The following WDR64 variants were observed in gnomAD, a reference collection of about 807,000 sequenced individuals.
The protein encoded by WDR64 is WD repeat-containing protein 64.
In WDR64, 112 loss-of-function variants were observed where a neutral mutation model predicts 139.3. The ratio of observed to expected loss-of-function variants is 0.80; its 90% confidence interval spans 0.69 to 0.94. The LOEUF is 0.94. Among genes scored for constraint, WDR64 ranks in the 40% least tolerant of loss-of-function variants. WDR64 has a pLI of 0.00. For synonymous variants in WDR64, 444 were observed against 437.7 expected (o/e 1.01, Z -0.18); for missense variants, 1,206 against 1,293.1 (o/e 0.93, Z 1.03).
At chr1:241,741,220 A>T (rs977279015) in intron 11 of WDR64, among the ~76,000 whole-genome samples, 1 of 152,228 alleles carries the variant, frequency 6.6e-6, no homozygotes, top group African/African-American at 2.4e-5. Context: ...GGACTATGAA[A>T]TATAGGAAAA....
intron 8 of WDR64, among the ~76,000 whole-genome samples, chr1:241,710,702 TGA>T (rs1668126847): frequency 6.6e-6 from 1 of 151,960 alleles, no homozygotes. Context: ...GGGAGGCTGA[TGA>T]GAGAGTATAG....
Position 241,771,653 on chromosome 1 carries a change from T to C in WDR64, c.2254-8T>C, listed in dbSNP as rs1328160779. ...GGAAGTCTTTTCTCTTTTCCTCCCA[T>C]AATTCAGGGAAGCAAGCAAAGCATA... On this transcript the variant is annotated splice_polypyrimidine_tract_variant and splice_region_variant and intron_variant, in intron 18 of 27. Coordinates refer to ENST00000437684, the MANE Select transcript of WDR64 (RefSeq NM_001367482.1). The C allele has an allele frequency of 2.0e-6, 3 of 1,497,176 alleles. No individual in the cohort carries two copies. The highest frequency in any genetic ancestry group is 2.7e-6 in the Non-Finnish European group (3 of 1,120,080). The allele number at this position is 1,497,176 out of a possible 1,614,324, so 92.7% of individuals were successfully genotyped here. A position where few individuals can be genotyped will look rare whatever the true frequency, so the allele number is the denominator to read the frequency against.
intron 6 of WDR64, 117 bp from the exon 7 acceptor site, chr1:241,683,370 G>A: frequency 1.1e-6 from 1 of 884,228 alleles, no homozygotes; most frequent in Non-Finnish European, 1.7e-6. Flanking sequence ...TATCTTATAA[G>A]ATAGGTGTAT....
intron 1 of WDR64, among the ~76,000 whole-genome samples, chr1:241,659,557 C>A (rs1665743039): frequency 6.6e-6 from 1 of 152,186 alleles, no homozygotes; most frequent in African/African-American, 2.4e-5. Flanking sequence ...TTCTCCCCAA[C>A]CTCGCCAGCA....
intron 9 of WDR64, among the ~76,000 whole-genome samples, chr1:241,713,547 G>A (rs937171702): frequency 1.5e-4 from 22 of 146,274 alleles, no homozygotes; most frequent in Non-Finnish European, 1.1e-4. Flanking sequence ...GGGAGGGAGG[G>A]AGGGAGGGAG....
At chr1:241,796,625 T>TG (rs1307995986) in intron 27 of WDR64, among the ~76,000 whole-genome samples, 1 of 152,126 alleles carries the variant, frequency 6.6e-6, no homozygotes, top group East Asian at 1.9e-4. Flanking sequence ...CCTAAGTAGC[T>TG]GGGATTACAG....
chr1:241,780,016 T>C lies in WDR64; in HGVS notation c.2549T>C (p.Ile850Thr), dbSNP rs147205610. The C allele has an allele frequency of 6.9e-6, 11 of 1,589,770 alleles. No homozygotes were observed. Among genetic ancestry groups the C allele is most frequent in the Non-Finnish European group, 9.4e-6 (11 of 1,173,650 alleles). The stretch of plus-strand genomic sequence containing the variant: ...AAATTTTATACAGAAGGACATGTTA[T>C]CCTTTGCAATATTAGCTCTTTCCTG... ...LLAGNVEGHV[I>T]LCNISSFLDP... The change falls in exon 22 of 28, where the codon ATC (isoleucine) becomes ACC (threonine). Residue 850 changes from isoleucine (I) to threonine (T), a missense_variant. By Grantham distance (89) the Ile-to-Thr change is moderately conservative. Coordinates refer to ENST00000437684, the MANE Select transcript of WDR64 (RefSeq NM_001367482.1).
intron 9 of WDR64, among the ~76,000 whole-genome samples, chr1:241,713,250 G>A (rs778527905): frequency 2.6e-5 from 4 of 150,968 alleles, no homozygotes; most frequent in Non-Finnish European, 5.9e-5. Context: ...TGTTGAGGCT[G>A]CAGTGAGCCG....
chr1:241,695,673 C>T (rs150854441), intron 8 of WDR64, among the ~76,000 whole-genome samples: 105 of 152,198 alleles, frequency 6.9e-4, no homozygotes, highest in Non-Finnish European at 1.2e-3. Flanking sequence ...ATTTCATCAA[C>T]GAGAAATGTT....
intron 15 of WDR64, among the ~76,000 whole-genome samples, chr1:241,760,380 CAAG>C (rs1266914479): frequency 6.0e-5 from 9 of 150,504 alleles, no homozygotes; most frequent in Admixed American, 4.6e-4. Flanking sequence ...ACGATTATTC[CAAG>C]AAGTAGTTCC....
rs80018949 is a variant in WDR64, at chr1:241,776,979, T to C, written c.2536+1769T>C. On this transcript the variant is annotated intron_variant, in intron 21 of 27. Coordinates refer to ENST00000437684, the MANE Select transcript of WDR64 (RefSeq NM_001367482.1). ...TAAAGTGGACTGCTCCTAGATTCTATTAGGCTTCCTTTTTCTCTGCCTCAG... is the reference window on the plus strand; with the variant it reads ...TAAAGTGGACTGCTCCTAGATTCTACTAGGCTTCCTTTTTCTCTGCCTCAG... 4.8e-3 allele frequency among the ~76,000 whole-genome samples: 732 copies of C among 152,326 alleles called. 8 individuals are homozygous for C. Among genetic ancestry groups the C allele is most frequent in the African/African-American group, 0.017 (697 of 41,578 alleles).
chr1:241,654,022 AT>A (rs1665479729), intron 1 of WDR64, among the ~76,000 whole-genome samples: 1 of 152,036 alleles, frequency 6.6e-6, no homozygotes, highest in Admixed American at 6.5e-5. Flanking sequence ...CTTTTTCTGA[AT>A]TCTCTATGGG....
intron 15 of WDR64, among the ~76,000 whole-genome samples, chr1:241,760,473 AAACACTAAT>A (rs140204700): frequency 0.15 from 22,669 of 151,178 alleles, 1,872 homozygotes; most frequent in African/African-American, 0.19. Context: ...CACAAAATGA[AAACACTAAT>A]AAGAAGCTGG....
At chr1:241,735,533 C>CTCTT (rs1553373537) in intron 10 of WDR64, among the ~76,000 whole-genome samples, 2 of 103,514 alleles carry the variant, frequency 1.9e-5, no homozygotes, top group South Asian at 3.5e-4. Context: ...CTCTCTCTCT[C>CTCTT]TTTTTTTTTT....
chr1:241,769,334 A>G, intron 16 of WDR64, 70 bp from the exon 17 acceptor site: 1 of 1,225,738 alleles, frequency 8.2e-7, no homozygotes, highest in Non-Finnish European at 1.2e-6. Context: ...TGCAGAGGAT[A>G]TACAATCTTA....
intron 27 of WDR64, among the ~76,000 whole-genome samples, chr1:241,799,847 T>G (rs1005261792): frequency 6.6e-6 from 1 of 152,148 alleles, no homozygotes; most frequent in Non-Finnish European, 1.5e-5. Context: ...ACTGATGTAA[T>G]TTTTTTCATA....
chr1:241,668,824 C>T (rs1230071967), intron 2 of WDR64, among the ~76,000 whole-genome samples: 1 of 151,474 alleles, frequency 6.6e-6, no homozygotes, highest in Non-Finnish European at 1.5e-5. Context: ...TGCTTGAACA[C>T]AGGAGGCGGA....
chr1:241,669,310 C>T (rs1422174639), intron 2 of WDR64, among the ~76,000 whole-genome samples: 3 of 152,026 alleles, frequency 2.0e-5, no homozygotes, highest in Non-Finnish European at 2.9e-5. Context: ...ATTGTGGGTT[C>T]GAATGATATA....
chr1:241,731,996 C>T (rs536848064), intron 10 of WDR64, among the ~76,000 whole-genome samples: 10 of 152,256 alleles, frequency 6.6e-5, no homozygotes, highest in African/African-American at 2.2e-4. Flanking sequence ...TATGTTAACA[C>T]TCAAAAGAGT....
Sources: gnomAD v4.1 joint callset for allele counts (sites outside exome capture counted in the v4.1 genomes callset) on GRCh38, gnomAD v4.1.1 for gene constraint, MANE v1.5 for transcripts, NCBI Gene and HGNC (gene_info 2026-07-23, HGNC 2026-07-21) for gene names.